Variants in CA5A observed in about 807,000 individuals in gnomAD.
CA5A encodes carbonic anhydrase 5A, mitochondrial.
Under a neutral mutation model 37.1 loss-of-function variants are expected in CA5A, and 28 were observed. The ratio of observed to expected loss-of-function variants is 0.75; its 90% CI spans 0.56 to 1.03. The LOEUF (loss-of-function observed/expected upper bound fraction) is 1.03. Among genes scored for constraint, CA5A ranks in the 50% least tolerant of loss-of-function variants. The pLI is 0.00. For synonymous variants in CA5A, 171 were observed against 158.4 expected, an observed-to-expected ratio of 1.08 and a Z score of -0.60; for missense variants, 444 against 399.9, an observed-to-expected ratio of 1.11 and a Z score of -0.94.
rs111457269 is a variant in CA5A at position 87,902,913 on chromosome 16, C to CA, written c.460-394dup. ...GGTGACAGAGCGAGACTCCATCTCA[C>CA]AAAAAAAAAAAAAAAGAACTAAGTT... On this transcript the variant is annotated intron_variant, in intron 3 of 6. Transcript: ENST00000649794. Among the ~76,000 whole-genome samples, 768 of 113,668 alleles carry CA rather than the reference C, an allele frequency of 6.8e-3. 6 individuals carry two copies. The highest frequency in any genetic ancestry group is 0.046 in the East Asian group (175 of 3,804). 74.6% of individuals were successfully genotyped at this position (113,668 alleles called of 152,430 possible).
intron 1 of CA5A, among the ~76,000 whole-genome samples, chr16:87,935,265 C>T (rs1204175608): frequency 1.3e-5 from 2 of 152,186 alleles, no homozygotes; most frequent in African/African-American, 4.8e-5. Context: ...GCACCTGAGA[C>T]CCAGAAAGAG....
At chr16:87,936,184 A>AC (rs2056468135) in intron 1 of CA5A, 125 bp downstream of exon 1, 1 of 650,738 alleles carries the variant, frequency 1.5e-6, no homozygotes, top group East Asian at 2.7e-5. Context: ...AAAAAAAAAA[A>AC]AAAAAACGGA....
chr16:87,917,193 C>A (rs1205812746), intron 2 of CA5A, among the ~76,000 whole-genome samples: 1 of 151,998 alleles, frequency 6.6e-6, no homozygotes, highest in African/African-American at 2.4e-5. Context: ...GGCTCCACTG[C>A]CTGACATTTT....
At chr16:87,909,767 C>T (rs1031359887) in intron 2 of CA5A, among the ~76,000 whole-genome samples, 2 of 152,162 alleles carry the variant, frequency 1.3e-5, no homozygotes, top group Non-Finnish European at 2.9e-5. Context: ...AGACCTGCGC[C>T]GCGAAGACCG....
intron 1 of CA5A, among the ~76,000 whole-genome samples, chr16:87,930,817 T>C (rs2056392293): frequency 6.6e-6 from 1 of 151,332 alleles, no homozygotes. Context: ...CTCAGCTCAC[T>C]GCAAGCTCCA....
chr16:87,890,713 T>A (rs1344507083), intron 6 of CA5A, among the ~76,000 whole-genome samples: 5 of 152,202 alleles, frequency 3.3e-5, no homozygotes, highest in Non-Finnish European at 1.5e-5. Context: ...CCTTCCAGGT[T>A]CAAGTGATTC....
At chr16:87,930,754 T>G (rs2056391233) in intron 1 of CA5A, among the ~76,000 whole-genome samples, 1 of 151,462 alleles carries the variant, frequency 6.6e-6, no homozygotes, top group Admixed American at 6.6e-5. Flanking sequence ...TTTTTTTTCT[T>G]TTTTGAGACA....
intron 2 of CA5A, among the ~76,000 whole-genome samples, chr16:87,921,656 C>A (rs1279036047): frequency 6.6e-6 from 1 of 152,112 alleles, no homozygotes; most frequent in East Asian, 1.9e-4. Context: ...TGGGCTCGCT[C>A]CCAAGGAAAA....
At chr16:87,934,742 C>T (rs13338511) in intron 1 of CA5A, among the ~76,000 whole-genome samples, 15,041 of 152,136 alleles carry the variant, frequency 0.099, 1,114 homozygotes, top group East Asian at 0.31. Flanking sequence ...GGTAGACCAC[C>T]TGAGGTCGGG....
chr16:87,926,932 C>A lies in CA5A; in HGVS notation c.156G>T (p.Trp52Cys), dbSNP rs1176567106. ...QTSNNTLHPL[W>C]TVPVSVPGGT... ...CCCCTGGCACGGAGACCGGGACCGT[C>A]CAGAGTGGGTGCACTGCAGGGAGAG... Residue 52 changes from tryptophan to cysteine, a missense_variant, in exon 2 of 7, where the codon TGG becomes TGT. Transcript: ENST00000649794. The A allele has an allele frequency of 1.3e-6, 2 of 1,581,250 alleles. No individual in the cohort carries two copies. The highest frequency in any genetic ancestry group is 1.1e-5 in the South Asian group (1 of 87,702).
intron 2 of CA5A, among the ~76,000 whole-genome samples, chr16:87,907,837 A>G (rs2055988097): frequency 6.6e-6 from 1 of 152,180 alleles, no homozygotes; most frequent in Admixed American, 6.5e-5. Flanking sequence ...GAGGCAGGAG[A>G]ATTGCTTGAA....
intron 6 of CA5A, among the ~76,000 whole-genome samples, chr16:87,889,111 G>A (rs1489384462): frequency 6.6e-6 from 1 of 151,808 alleles, no homozygotes; most frequent in Non-Finnish European, 1.5e-5. Context: ...TAGAGATGGG[G>A]TTTCTCCATG....
At chr16:87,894,862 G>C (rs113070949) in intron 5 of CA5A, among the ~76,000 whole-genome samples, 277 of 117,182 alleles carry the variant, frequency 2.4e-3, no homozygotes, top group Admixed American at 3.9e-3. Flanking sequence ...CTGGGCAACA[G>C]AGAGAGAGAC....
chr16:87,913,086 C>T (rs2056075857), intron 2 of CA5A, among the ~76,000 whole-genome samples: 1 of 151,742 alleles, frequency 6.6e-6, no homozygotes, highest in African/African-American at 2.4e-5. Flanking sequence ...TAGGTTCAAG[C>T]AATTCTGCCT....
rs1421540419 is a variant in CA5A at position 87,893,656 on chromosome 16, T to C, written c.619-1702A>G. 4 of 606,386 alleles carry C rather than the reference T, an allele frequency of 6.6e-6. No individual in the cohort carries two copies. The African/African-American group carries it at 7.5e-5, about 11-fold the overall frequency. The allele number at this position is 606,386 out of a possible 1,614,324, so 37.6% of individuals were successfully genotyped here. A position where few individuals can be genotyped will look rare whatever the true frequency, so the allele number is the denominator to read the frequency against. On this transcript the variant is annotated intron_variant, in intron 5 of 6. Coordinates refer to ENST00000649794, the MANE Select transcript of CA5A (RefSeq NM_001739.2). ...TGCTGTGCCCCTGGTGCCGACAAGA[T>C]AGCCGAGGCTCGGGCTGGGTCAGCA...
chr16:87,905,091 C>G (rs535148444), intron 2 of CA5A, among the ~76,000 whole-genome samples, 187 bp from the exon 3 acceptor site: 29 of 152,124 alleles, frequency 1.9e-4, no homozygotes, highest in East Asian at 9.7e-4. Context: ...CACTCTGCCC[C>G]CCCCCAGCCC....
At chr16:87,919,901 C>T (rs912296381) in intron 2 of CA5A, among the ~76,000 whole-genome samples, 3 of 152,172 alleles carry the variant, frequency 2.0e-5, no homozygotes, top group African/African-American at 4.8e-5. Flanking sequence ...AACTTGAACT[C>T]GGCCGTGCAG....
intron 2 of CA5A, among the ~76,000 whole-genome samples, chr16:87,906,678 G>C (rs1282920695): frequency 6.6e-6 from 1 of 152,046 alleles, no homozygotes; most frequent in African/African-American, 2.4e-5. Flanking sequence ...CTGGAAAATG[G>C]AAAATGGATT....
intron 1 of CA5A, among the ~76,000 whole-genome samples, chr16:87,929,169 T>G (rs2056360857): frequency 6.8e-6 from 1 of 146,532 alleles, no homozygotes; most frequent in Non-Finnish European, 1.5e-5. Flanking sequence ...TGTATAGCCC[T>G]GGCTGGGCGC....
Sources: gnomAD v4.1 joint callset for allele counts (sites outside exome capture counted in the v4.1 genomes callset) on GRCh38, gnomAD v4.1.1 for gene constraint, MANE v1.5 for transcripts, NCBI Gene and HGNC (gene_info 2026-07-23, HGNC 2026-07-21) for gene names.